PPP4R3A: variants seen among roughly 807,000 people sequenced by gnomAD.
PPP4R3A encodes serine/threonine-protein phosphatase 4 regulatory subunit 3A.
In PPP4R3A, 15 loss-of-function variants were observed where a neutral mutation model predicts 91.7. That is an observed-to-expected ratio of 0.16 (90% CI 0.11 to 0.25). The LOEUF is 0.25. Among genes scored for constraint, PPP4R3A ranks in the 10% least tolerant of loss-of-function variants. The pLI is 1.00. For synonymous variants in PPP4R3A, 377 were observed against 348.7 expected (o/e 1.08, Z -0.91); for missense variants, 623 against 998.4 (o/e 0.62, Z 5.07).
intron 11 of PPP4R3A, among the ~76,000 whole-genome samples, chr14:91,464,228 G>A (rs1273624014): frequency 5.3e-5 from 8 of 152,136 alleles, no homozygotes. Context: ...GGCTGAGGCA[G>A]AAGAATCGCA....
At position 91,473,021 on chromosome 14, in the gene PPP4R3A, G is replaced by A. The variant is rs1416877575; in HGVS notation, c.1501+12C>T. 2 of 1,609,744 alleles carry A rather than the reference G, an allele frequency of 1.2e-6. No homozygotes were observed. Among genetic ancestry groups the A allele is most frequent in the East Asian group, 2.2e-5 (1 of 44,854 alleles). On this transcript the variant is annotated intron_variant, in intron 9 of 14. Coordinates refer to ENST00000554943, the MANE Select transcript of PPP4R3A (RefSeq NM_001366432.2). ...GAACAGAGAACTTAACTACCAACCTGAATTATCTTACCTTTACTAGGTTTG... is the reference window on the plus strand; with the variant it reads ...GAACAGAGAACTTAACTACCAACCTAAATTATCTTACCTTTACTAGGTTTG...
At chr14:91,468,208 C>A (rs1283002802) in intron 10 of PPP4R3A, among the ~76,000 whole-genome samples, 1 of 152,152 alleles carries the variant, frequency 6.6e-6, no homozygotes, top group Non-Finnish European at 1.5e-5. Context: ...ATTTTGCTAA[C>A]ATACTTAGTT....
At chr14:91,491,869 C>T (rs1298772556) in intron 1 of PPP4R3A, among the ~76,000 whole-genome samples, 1 of 152,016 alleles carries the variant, frequency 6.6e-6, no homozygotes, top group African/African-American at 2.4e-5. Flanking sequence ...AGCTACCATG[C>T]TTGGTTAATT....
At chr14:91,489,263 G>A (rs918943504) in intron 2 of PPP4R3A, among the ~76,000 whole-genome samples, 1 of 152,058 alleles carries the variant, frequency 6.6e-6, no homozygotes, top group Non-Finnish European at 1.5e-5. Flanking sequence ...TCATCTTGGG[G>A]GTGAAAGGAA....
intron 3 of PPP4R3A, among the ~76,000 whole-genome samples, chr14:91,483,514 T>G (rs1889695743): frequency 6.6e-6 from 1 of 152,200 alleles, no homozygotes; most frequent in African/African-American, 2.4e-5. Context: ...ATACCCAAAC[T>G]ATGACTTTAT....
At chr14:91,507,854 G>A (rs534937740) in intron 1 of PPP4R3A, among the ~76,000 whole-genome samples, 9 of 152,016 alleles carry the variant, frequency 5.9e-5, no homozygotes, top group African/African-American at 1.4e-4. Flanking sequence ...CTGGGATGGG[G>A]GTCATGCCTG....
chr14:91,486,245 TTTTTG>T (rs1286249208), intron 2 of PPP4R3A, among the ~76,000 whole-genome samples: 2 of 100,202 alleles, frequency 2.0e-5, no homozygotes, highest in African/African-American at 3.8e-5. Flanking sequence ...TACATAGGTT[TTTTTG>T]TTTTTTTTTT....
intron 1 of PPP4R3A, among the ~76,000 whole-genome samples, chr14:91,503,418 G>A (rs967551471): frequency 1.3e-5 from 2 of 152,022 alleles, no homozygotes; most frequent in Admixed American, 6.6e-5. Flanking sequence ...CCAAGCAGCC[G>A]GGACTACAGG....
At chr14:91,466,511 T>A (rs1888476072) in intron 10 of PPP4R3A, 2 of 825,966 alleles carry the variant, frequency 2.4e-6, no homozygotes, top group Non-Finnish European at 2.9e-6. Flanking sequence ...TACAGTTGAT[T>A]ATTAACTGCC....
intron 1 of PPP4R3A, 93 bp downstream of exon 1, chr14:91,509,413 C>T (rs1595099499): frequency 1.3e-6 from 2 of 1,512,012 alleles, no homozygotes; most frequent in East Asian, 2.5e-5. Flanking sequence ...TCCCTCTGTT[C>T]TCGTGGAGCG....
rs1437601661 is a variant in PPP4R3A at position 91,505,479 on chromosome 14, C to T, written c.142+4027G>A. ...AAAAAAACACACACCATTTATTTCA[C>T]AGGTATGCAAAAGCCCCTATCACAC... On this transcript the variant is annotated intron_variant, in intron 1 of 14. Coordinates refer to ENST00000554943, the MANE Select transcript of PPP4R3A (RefSeq NM_001366432.2). Among the ~76,000 whole-genome samples, 26 of 151,056 alleles carry T rather than the reference C, an allele frequency of 1.7e-4. 1 individual carries two copies. The highest frequency in any genetic ancestry group is 1.7e-3 in the Admixed American group (26 of 15,122).
At chr14:91,487,913 A>G (rs1889996423) in intron 2 of PPP4R3A, among the ~76,000 whole-genome samples, 1 of 152,156 alleles carries the variant, frequency 6.6e-6, no homozygotes, top group African/African-American at 2.4e-5. Flanking sequence ...GAGTTATGCC[A>G]TGTTGCCCAG....
At chr14:91,506,697 C>T (rs996731720) in intron 1 of PPP4R3A, among the ~76,000 whole-genome samples, 10 of 152,114 alleles carry the variant, frequency 6.6e-5, no homozygotes, top group Non-Finnish European at 1.5e-4. Flanking sequence ...ACTACAGGCC[C>T]GTGCCACCGC....
At chr14:91,496,010 A>T (rs538657414) in intron 1 of PPP4R3A, among the ~76,000 whole-genome samples, 21 of 152,250 alleles carry the variant, frequency 1.4e-4, no homozygotes, top group Non-Finnish European at 2.8e-4. Flanking sequence ...CAATGTTAAT[A>T]TATGAATCAA....
rs1441739413 is a variant in PPP4R3A, at chr14:91,507,187, G to A, written c.142+2319C>T. Reference sequence around the variant, plus strand: ...TACAAAAAAATTAGCCAGGCATAGTGGCACATGCCCATAGTCCCAGCTACT... The same window carrying A: ...TACAAAAAAATTAGCCAGGCATAGTAGCACATGCCCATAGTCCCAGCTACT... On this transcript the variant is annotated intron_variant, in intron 1 of 14. Coordinates refer to ENST00000554943, the MANE Select transcript of PPP4R3A (RefSeq NM_001366432.2). Among the ~76,000 whole-genome samples the A allele has an allele frequency of 5.9e-5, 9 of 151,546 alleles. No individual in the cohort carries two copies. In the South Asian group the frequency reaches 1.9e-3, roughly 31 times the overall value.
intron 9 of PPP4R3A, 83 bp downstream of exon 9, chr14:91,472,950 C>T (rs1888945486): frequency 8.0e-7 from 1 of 1,255,596 alleles, no homozygotes; most frequent in South Asian, 1.3e-5. Flanking sequence ...CACTAACTGC[C>T]TCCTAAAAAG....
chr14:91,491,640 C>T (rs113702329), intron 1 of PPP4R3A, among the ~76,000 whole-genome samples: 55 of 150,692 alleles, frequency 3.6e-4, no homozygotes, highest in African/African-American at 1.3e-3. Context: ...CTCTTGACCT[C>T]GTGATCCACC....
chr14:91,461,299 C>G, intron 14 of PPP4R3A, 82 bp downstream of exon 14: 2 of 1,318,592 alleles, frequency 1.5e-6, no homozygotes, highest in Non-Finnish European at 2.2e-6. Flanking sequence ...GTGGCAGTAA[C>G]CAAAGGGAAT....
rs1890767312 is a variant in PPP4R3A at position 91,498,946 on chromosome 14, A to G, written c.143-8144T>C. ...AAAAAAAAAAAAAAGAAGCCTGGCTAATTTTTTTATTTTTATTTTTAGTAG... is the reference window on the plus strand; with the variant it reads ...AAAAAAAAAAAAAAGAAGCCTGGCTGATTTTTTTATTTTTATTTTTAGTAG... On this transcript the variant is annotated intron_variant, in intron 1 of 14. Transcript: ENST00000554943. 3.4e-5 allele frequency among the ~76,000 whole-genome samples: 5 copies of G among 148,822 alleles called. No homozygotes were observed. The South Asian group carries it at 1.0e-3, about 31-fold the overall frequency.
Sources: gnomAD v4.1 joint callset for allele counts (sites outside exome capture counted in the v4.1 genomes callset) on GRCh38, gnomAD v4.1.1 for gene constraint, MANE v1.5 for transcripts, NCBI Gene and HGNC (gene_info 2026-07-23, HGNC 2026-07-21) for gene names.